Variants in MAD1L1 observed in about 807,000 individuals in gnomAD.
MAD1L1 encodes the protein mitotic arrest deficient 1 like 1.
A neutral mutation model predicts 96.9 loss-of-function variants in MAD1L1; 95 were observed. That is an observed-to-expected ratio of 0.98 (90% confidence interval 0.83 to 1.16). The LOEUF (loss-of-function observed/expected upper bound fraction) is 1.16. MAD1L1 is among the 50% of genes most tolerant of loss of function. MAD1L1 has a pLI of 0.00. For missense variants in MAD1L1, 1,007 were observed against 954.4 expected (o/e 1.06, Z -0.73); for synonymous variants, 473 against 396.6 (o/e 1.19, Z -2.29).
intron 10 of MAD1L1, among the ~76,000 whole-genome samples, chr7:2,159,828 A>G (rs1790016465): frequency 6.6e-6 from 1 of 152,234 alleles, no homozygotes; most frequent in African/African-American, 2.4e-5. Flanking sequence ...AAAGATCACC[A>G]AAAAGGCAGT....
In MAD1L1 at chr7:2,064,689, G is replaced by A. The variant is rs189593532; in HGVS notation, c.1218+4505C>T. ...GACAGTGGCTTCTCCCAGGAATATG[G>A]CAGCTTCTCCCAGGAGGACAGCGGC... On this transcript the variant is annotated intron_variant, in intron 12 of 18. Transcript: ENST00000265854. Among the ~76,000 whole-genome samples the A allele has an allele frequency of 2.9e-3, 448 of 152,004 alleles. 1 individual carries two copies. Among genetic ancestry groups the A allele is most frequent in the African/African-American group, 9.4e-3 (388 of 41,444 alleles).
chr7:2,219,383 C>T lies in MAD1L1; in HGVS notation c.545G>A (p.Arg182His), dbSNP rs367651421. The T allele has an allele frequency of 2.5e-5, 41 of 1,608,602 alleles. No individual in the cohort carries two copies. In the African/African-American group the frequency reaches 3.3e-4, roughly 13 times the overall value. Residue 182 changes from arginine (R) to histidine (H), a missense_variant, in exon 6 of 19, where the codon CGC becomes CAC. Arg to His is a conservative substitution (Grantham distance 29). Transcript: ENST00000265854. ...CAGCTCCTGCTTCTCCGACTCCAGG[C>T]GCTTCACCCGCATCTCCTGGTCCAT... ...SVMDQEMRVK[R>H]LESEKQELQE...
chr7:1,961,160 G>A (rs921052074), intron 15 of MAD1L1, among the ~76,000 whole-genome samples: 3 of 152,196 alleles, frequency 2.0e-5, no homozygotes, highest in Non-Finnish European at 4.4e-5. Flanking sequence ...GACTCTGGGT[G>A]TTGGGAACGC....
At chr7:1,839,455 A>G (rs974084116) in intron 18 of MAD1L1, among the ~76,000 whole-genome samples, 14 of 151,952 alleles carry the variant, frequency 9.2e-5, no homozygotes, top group African/African-American at 3.1e-4. Flanking sequence ...CCGCAGGACA[A>G]GCTGGGCCTG....
intron 12 of MAD1L1, among the ~76,000 whole-genome samples, chr7:2,062,445 C>T (rs894168259): frequency 6.6e-6 from 1 of 151,138 alleles, no homozygotes; most frequent in African/African-American, 2.4e-5. Flanking sequence ...TGTGGTGACG[C>T]ACACCTATAA....
At chr7:2,203,827 C>T (rs1038557126) in intron 10 of MAD1L1, among the ~76,000 whole-genome samples, 4 of 152,196 alleles carry the variant, frequency 2.6e-5, no homozygotes, top group East Asian at 3.8e-4. Context: ...CCTAGAAAGA[C>T]GAACCGGGGC....
chr7:1,956,666 C>G (rs114830365), intron 16 of MAD1L1, among the ~76,000 whole-genome samples: 1 of 152,218 alleles, frequency 6.6e-6, no homozygotes, highest in Non-Finnish European at 1.5e-5. Flanking sequence ...GCCAACCCCA[C>G]GGTACCTGAC....
intron 10 of MAD1L1, chr7:2,209,852 C>T (rs1584555062): frequency 1.3e-5 from 2 of 152,404 alleles, no homozygotes; most frequent in African/African-American, 4.8e-5. Context: ...GGAGGGGATC[C>T]CCAAGCTCGC....
intron 11 of MAD1L1, among the ~76,000 whole-genome samples, chr7:2,074,161 A>G (rs550849101): frequency 1.3e-5 from 2 of 152,234 alleles, no homozygotes; most frequent in East Asian, 3.9e-4. Flanking sequence ...CAGGCAGCAG[A>G]GATGGCAGCA....
chr7:2,159,650 C>T (rs1489274204), intron 10 of MAD1L1, among the ~76,000 whole-genome samples: 3 of 152,142 alleles, frequency 2.0e-5, no homozygotes, highest in African/African-American at 4.8e-5. Context: ...CAAAAAAAAT[C>T]ATATCATTCC....
chr7:2,229,423 C>G (rs1195953031), intron 3 of MAD1L1, among the ~76,000 whole-genome samples: 1 of 152,226 alleles, frequency 6.6e-6, no homozygotes, highest in South Asian at 2.1e-4. Flanking sequence ...GTTGTGTCTA[C>G]AGTGAGAAAC....
chr7:1,843,513 T>C (rs898914459), intron 18 of MAD1L1, among the ~76,000 whole-genome samples: 8 of 152,226 alleles, frequency 5.3e-5, no homozygotes, highest in Non-Finnish European at 8.8e-5. Context: ...CGTGTCTGAC[T>C]GTGCTGAGGG....
intron 10 of MAD1L1, among the ~76,000 whole-genome samples, chr7:2,166,131 G>C (rs191842965): frequency 1.3e-5 from 2 of 152,302 alleles, no homozygotes; most frequent in African/African-American, 4.8e-5. Flanking sequence ...CTGTGACGTG[G>C]TCCATCCAGA....
At chr7:2,167,171 C>A (rs368339634) in intron 10 of MAD1L1, among the ~76,000 whole-genome samples, 1 of 152,150 alleles carries the variant, frequency 6.6e-6, no homozygotes, top group African/African-American at 2.4e-5. Flanking sequence ...TGCAAGTGGG[C>A]GCAGTAGCAG....
chr7:1,888,036 A>G (rs1414030922), intron 18 of MAD1L1, among the ~76,000 whole-genome samples: 1 of 118,482 alleles, frequency 8.4e-6, no homozygotes, highest in Non-Finnish European at 1.7e-5. Flanking sequence ...CGTGAGACTG[A>G]GCATGTGTGT....
chr7:2,100,665 A>C (rs982900990), intron 11 of MAD1L1, among the ~76,000 whole-genome samples: 1 of 152,254 alleles, frequency 6.6e-6, no homozygotes, highest in East Asian at 1.9e-4. Flanking sequence ...AGCACACAGC[A>C]AGCAGGGAGA....
At chr7:1,864,326 G>A (rs1421834900) in intron 18 of MAD1L1, among the ~76,000 whole-genome samples, 2 of 152,120 alleles carry the variant, frequency 1.3e-5, no homozygotes, top group Non-Finnish European at 2.9e-5. Context: ...CTGCAGGGCA[G>A]ACCCGGGGCC....
At chr7:1,928,110 C>CCTG (rs2128459354) in intron 17 of MAD1L1, among the ~76,000 whole-genome samples, 1 of 152,190 alleles carries the variant, frequency 6.6e-6, no homozygotes, top group East Asian at 1.9e-4. Flanking sequence ...ACCTGCCACA[C>CCTG]CTGCTGCTGC....
chr7:2,227,982 C>G (rs973964979), intron 3 of MAD1L1, among the ~76,000 whole-genome samples: 2 of 152,144 alleles, frequency 1.3e-5, no homozygotes, highest in African/African-American at 4.8e-5. Context: ...CCCCGGCCTG[C>G]CATGTTCTCC....
Sources: allele counts gnomAD v4.1 joint callset (sites outside exome capture counted in the v4.1 genomes callset), GRCh38; gene constraint gnomAD v4.1.1; transcripts MANE v1.5; gene names NCBI Gene and HGNC (gene_info 2026-07-23, HGNC 2026-07-21).